Variants in NPAS3 observed in about 807,000 individuals in gnomAD.
NPAS3 encodes neuronal PAS domain protein 3, also known as neuronal PAS domain-containing protein 3.
NPAS3 carries 14 observed loss-of-function variants against 73.1 expected under a neutral mutation model. That is an observed-to-expected ratio of 0.19 (90% confidence interval 0.13 to 0.30). The LOEUF is 0.30. Among genes scored for constraint, NPAS3 ranks in the 10% least tolerant of loss-of-function variants. NPAS3 has a pLI of 1.00. For synonymous variants in NPAS3, 620 were observed against 541.5 expected, an observed-to-expected ratio of 1.14 and a Z score of -2.01; for missense variants, 1,096 against 1,250.0, an observed-to-expected ratio of 0.88 and a Z score of 1.86.
rs762174585 is a variant in NPAS3, at chr14:33,797,437, C to T, written c.1302-20C>T. On this transcript the variant is annotated intron_variant, in intron 10 of 11. Coordinates refer to ENST00000356141, the Ensembl canonical transcript of NPAS3. ...GCAGAATGGGTGTCTGCACTCCTGA[C>T]CAGTGCCTCCCTTCCACAGCAATCC... is the stretch of plus-strand genomic sequence containing the variant. 6.2e-7 allele frequency: 1 copy of T among 1,613,586 alleles called. No individual in the cohort carries two copies. The highest frequency in any genetic ancestry group is 8.5e-7 in the Non-Finnish European group (1 of 1,179,678).
chr14:33,537,364 T>C (rs2054302528), intron 4 of NPAS3, among the ~76,000 whole-genome samples: 2 of 152,204 alleles, frequency 1.3e-5, no homozygotes, highest in African/African-American at 4.8e-5. Context: ...TGTTTCACTT[T>C]GATATGCTCA....
In NPAS3 at chr14:33,312,770, T is replaced by A. The variant is rs111416051; in HGVS notation, c.386-54416T>A. Among the ~76,000 whole-genome samples, 806 of 152,162 alleles carry A rather than the reference T, an allele frequency of 5.3e-3. 6 individuals are homozygous for A. Among genetic ancestry groups the A allele is most frequent in the African/African-American group, 0.019 (776 of 41,532 alleles). On this transcript the variant is annotated intron_variant, in intron 3 of 11. Coordinates refer to ENST00000356141, the Ensembl canonical transcript of NPAS3. Reference sequence around the variant, plus strand: ...TTTTCTCAGATGTTGTGAGGATGACTGAAACAAAATCAAATAGAAAACAAA... The same window carrying A: ...TTTTCTCAGATGTTGTGAGGATGACAGAAACAAAATCAAATAGAAAACAAA...
chr14:33,477,911 G>C (rs1210496440), intron 4 of NPAS3, among the ~76,000 whole-genome samples: 1 of 152,148 alleles, frequency 6.6e-6, no homozygotes, highest in African/African-American at 2.4e-5. Flanking sequence ...TGCAGAGTCT[G>C]GTCCAAGTAG....
At chr14:33,246,390 T>G (rs1356452852) in intron 3 of NPAS3, among the ~76,000 whole-genome samples, 1 of 151,680 alleles carries the variant, frequency 6.6e-6, no homozygotes, top group Non-Finnish European at 1.5e-5. Flanking sequence ...ATATAAAAAA[T>G]TAGCCGGGCA....
chr14:33,613,496 C>G (rs1056091879), intron 5 of NPAS3, among the ~76,000 whole-genome samples: 1 of 152,116 alleles, frequency 6.6e-6, no homozygotes, highest in Non-Finnish European at 1.5e-5. Context: ...CAATTTGCAA[C>G]CTCCTAACCA....
chr14:33,450,533 G>A (rs2049743734), intron 4 of NPAS3, among the ~76,000 whole-genome samples: 1 of 152,100 alleles, frequency 6.6e-6, no homozygotes, highest in Non-Finnish European at 1.5e-5. Context: ...TAGATGATAT[G>A]TGGAATAATA....
intron 1 of NPAS3, among the ~76,000 whole-genome samples, chr14:33,009,400 T>C (rs1049047868): frequency 6.6e-6 from 1 of 152,080 alleles, no homozygotes; most frequent in African/African-American, 2.4e-5. Context: ...ATGCAAAGTT[T>C]GGATTGATAT....
At chr14:33,666,585 G>A (rs535547561) in intron 5 of NPAS3, among the ~76,000 whole-genome samples, 23 of 150,882 alleles carry the variant, frequency 1.5e-4, no homozygotes, top group Admixed American at 9.2e-4. Flanking sequence ...AGAAATTTGA[G>A]AGGCAGTGAC....
intron 3 of NPAS3, among the ~76,000 whole-genome samples, chr14:33,275,227 G>A (rs2140032407): frequency 6.6e-6 from 1 of 152,246 alleles, no homozygotes; most frequent in Non-Finnish European, 1.5e-5. Context: ...GTGCCCACCA[G>A]CATGTTTTTT....
intron 3 of NPAS3, among the ~76,000 whole-genome samples, chr14:33,256,640 T>C (rs2048790267): frequency 6.6e-6 from 1 of 152,210 alleles, no homozygotes. Context: ...AACCTGGACA[T>C]AAATATGCTA....
At chr14:33,194,470 A>G (rs555592460) in intron 2 of NPAS3, among the ~76,000 whole-genome samples, 2 of 152,324 alleles carry the variant, frequency 1.3e-5, no homozygotes, top group South Asian at 4.2e-4. Context: ...GATCAAGTGA[A>G]ATTAACTTAA....
intron 4 of NPAS3, among the ~76,000 whole-genome samples, chr14:33,473,984 C>G (rs2050905698): frequency 6.6e-6 from 1 of 152,136 alleles, no homozygotes; most frequent in African/African-American, 2.4e-5. Context: ...ACATATGGTA[C>G]TATTCAAGGA....
At chr14:33,421,812 A>G (rs949795485) in intron 4 of NPAS3, among the ~76,000 whole-genome samples, 1 of 151,994 alleles carries the variant, frequency 6.6e-6, no homozygotes, top group Non-Finnish European at 1.5e-5. Flanking sequence ...AAAGACCAGT[A>G]CATTATTTAA....
chr14:33,533,227 G>T (rs1013819431), intron 4 of NPAS3, among the ~76,000 whole-genome samples: 1 of 151,984 alleles, frequency 6.6e-6, no homozygotes, highest in East Asian at 1.9e-4. Context: ...AAGATAAATT[G>T]CAGACTTACA....
chr14:33,047,662 C>T (rs1430967902), intron 1 of NPAS3, among the ~76,000 whole-genome samples: 1 of 152,208 alleles, frequency 6.6e-6, no homozygotes, highest in Non-Finnish European at 1.5e-5. Context: ...AATATAAATG[C>T]TGAGCTTTCT....
chr14:33,409,118 T>G (rs1015146340), intron 4 of NPAS3, among the ~76,000 whole-genome samples: 1 of 152,166 alleles, frequency 6.6e-6, no homozygotes, highest in Non-Finnish European at 1.5e-5. Context: ...GCAGAATAAA[T>G]TTCAAGAATA....
intron 4 of NPAS3, among the ~76,000 whole-genome samples, chr14:33,418,004 G>A (rs1477398361): frequency 6.6e-6 from 1 of 151,736 alleles, no homozygotes; most frequent in East Asian, 1.9e-4. Context: ...AAGTTTGTAA[G>A]GACATAGATA....
intron 1 of NPAS3, among the ~76,000 whole-genome samples, chr14:32,959,931 A>G (rs1021266177): frequency 3.9e-5 from 6 of 151,968 alleles, no homozygotes; most frequent in African/African-American, 1.4e-4. Context: ...TATGAATGCT[A>G]CGTAAGAGAC....
chr14:33,257,704 A>G (rs1041156245), intron 3 of NPAS3, among the ~76,000 whole-genome samples: 2 of 152,192 alleles, frequency 1.3e-5, no homozygotes, highest in Non-Finnish European at 2.9e-5. Context: ...CTTTTCCACA[A>G]TTCACCATTA....
Sources: gnomAD v4.1 joint callset for allele counts (sites outside exome capture counted in the v4.1 genomes callset) on GRCh38, gnomAD v4.1.1 for gene constraint, MANE v1.5 for transcripts, NCBI Gene and HGNC (gene_info 2026-07-23, HGNC 2026-07-21) for gene names.